The following GSE1 variants were observed in gnomAD, a reference collection of about 807,000 sequenced individuals.
The protein encoded by GSE1 is genetic suppressor element 1.
In GSE1, 32 loss-of-function variants were observed where a neutral mutation model predicts 112.6. The ratio of observed to expected loss-of-function variants is 0.28; its 90% confidence interval spans 0.21 to 0.38. The LOEUF is 0.38. Among genes scored for constraint, GSE1 ranks in the 10% least tolerant of loss-of-function variants. GSE1 has a pLI of 1.00. For missense variants in GSE1, 2,348 were observed against 1,699.2 expected (o/e 1.38, Z -6.71); for synonymous variants, 1,115 against 735.6 (o/e 1.52, Z -8.35).
chr16:85,324,146 C>G (rs1034805792), intron 1 of GSE1, among the ~76,000 whole-genome samples: 7 of 152,224 alleles, frequency 4.6e-5, no homozygotes, highest in African/African-American at 1.2e-4. Flanking sequence ...AACAGCCTGG[C>G]AGCTCCTCAG....
intron 2 of GSE1, among the ~76,000 whole-genome samples, chr16:85,639,349 C>G (rs2050255707): frequency 6.6e-6 from 1 of 152,312 alleles, no homozygotes; most frequent in Admixed American, 6.5e-5. Flanking sequence ...CCTCTCCTAC[C>G]AGGACCTCTT....
At chr16:85,542,549 G>C (rs558921806) in intron 2 of GSE1, among the ~76,000 whole-genome samples, 1 of 152,240 alleles carries the variant, frequency 6.6e-6, no homozygotes, top group African/African-American at 2.4e-5. Flanking sequence ...GAGCTGAAGC[G>C]GAGATGCTTC....
chr16:85,605,644 A>G (rs1471073557), intron 1 of GSE1, among the ~76,000 whole-genome samples: 1 of 151,186 alleles, frequency 6.6e-6, no homozygotes, highest in Non-Finnish European at 1.5e-5. Context: ...TGCCATGTCC[A>G]TCCTCCCCCT....
chr16:85,525,531 T>G (rs1356540128), intron 2 of GSE1, among the ~76,000 whole-genome samples: 1 of 152,142 alleles, frequency 6.6e-6, no homozygotes. Flanking sequence ...GGCTTTCCTG[T>G]GGGGGTGAAT....
At chr16:85,339,309 T>G (rs2046573382) in intron 1 of GSE1, among the ~76,000 whole-genome samples, 2 of 152,166 alleles carry the variant, frequency 1.3e-5, no homozygotes, top group African/African-American at 4.8e-5. Flanking sequence ...CTTTTCCTCC[T>G]GTGGAAGGGG....
At position 85,177,790 on chromosome 16, in the gene GSE1, C is replaced by T. The variant is rs554950014; in HGVS notation, c.2283+5983C>T. Among the ~76,000 whole-genome samples, 87 of 152,124 alleles carry T rather than the reference C, an allele frequency of 5.7e-4. 1 individual carries two copies. The highest frequency in any genetic ancestry group is 3.4e-3 in the Middle Eastern group (1 of 294). ...CCCCAAAACGCCATGGGGTTCTGTCCCTTGGAGGATAACATGTTAGGGTCA... is the reference window on the plus strand; with the variant it reads ...CCCCAAAACGCCATGGGGTTCTGTCTCTTGGAGGATAACATGTTAGGGTCA... On this transcript the variant is annotated intron_variant, in intron 1 of 2. Transcript: ENST00000637419.
intron 1 of GSE1, among the ~76,000 whole-genome samples, chr16:85,209,280 C>T (rs888505396): frequency 3.9e-5 from 6 of 152,208 alleles, no homozygotes; most frequent in East Asian, 3.9e-4. Context: ...ACTGAGGCAC[C>T]GAGGATTAAG....
chr16:85,256,208 G>T (rs919817529), intron 1 of GSE1, among the ~76,000 whole-genome samples: 1 of 152,124 alleles, frequency 6.6e-6, no homozygotes, highest in Non-Finnish European at 1.5e-5. Context: ...GACAGCACCG[G>T]GGGGTGGAGG....
In GSE1 at chr16:85,656,560, G is replaced by A. The variant is rs1160774523; in HGVS notation, c.1207G>A (p.Ala403Thr). The A allele has an allele frequency of 5.2e-6, 8 of 1,547,926 alleles. No individual in the cohort carries two copies. Among genetic ancestry groups the A allele is most frequent in the African/African-American group, 2.7e-5 (2 of 72,972 alleles). ...AREKELLAAK[A>T]LEPSFLPVAE... ...GGAGAAGGAGCTGCTGGCCGCCAAG[G>A]CCCTGGAGCCCAGCTTCCTGCCCGT... Residue 403 changes from alanine (A) to threonine (T), a missense_variant, in exon 7 of 16, where the codon GCC (alanine) becomes ACC (threonine). Transcript: ENST00000253458.
In GSE1 at chr16:85,674,715, G is replaced by C. The variant is rs760451076; in HGVS notation, c.*2176G>C. On this transcript the variant is annotated 3_prime_UTR_variant, in exon 16 of 16. Transcript: ENST00000253458. ...CTTACCATCCAAGGGGCACTCCCTT[G>C]GTTGGATTTTCTATGACAGCACAGG... 2.6e-5 allele frequency: 4 copies of C among 152,280 alleles called. No homozygotes were observed. The highest frequency in any genetic ancestry group is 4.4e-5 in the Non-Finnish European group (3 of 68,060). The allele number at this position is 152,280 out of a possible 1,614,324, so 9.4% of individuals were successfully genotyped here. A position where few individuals can be genotyped will look rare whatever the true frequency, so the allele number is the denominator to read the frequency against.
At chr16:85,463,879 C>G (rs556641692) in intron 2 of GSE1, among the ~76,000 whole-genome samples, 28 of 152,246 alleles carry the variant, frequency 1.8e-4, no homozygotes, top group African/African-American at 6.3e-4. Context: ...GGTCCTCAGG[C>G]TGAGGGGCGG....
chr16:85,329,558 C>A (rs1299311075), intron 1 of GSE1, among the ~76,000 whole-genome samples: 1 of 151,920 alleles, frequency 6.6e-6, no homozygotes, highest in Admixed American at 6.5e-5. Context: ...CTGTGGGAGC[C>A]GCTCAGAGGC....
chr16:85,459,008 C>T (rs950698262), intron 2 of GSE1, among the ~76,000 whole-genome samples: 3 of 152,222 alleles, frequency 2.0e-5, no homozygotes, highest in Admixed American at 6.5e-5. Flanking sequence ...GAGTATTGGC[C>T]GCTTTCGCTC....
chr16:85,361,673 G>C (rs996122365), intron 2 of GSE1, among the ~76,000 whole-genome samples: 3 of 152,230 alleles, frequency 2.0e-5, no homozygotes, highest in Non-Finnish European at 4.4e-5. Context: ...CTCGTACGTG[G>C]GGACAGCAGC....
intron 1 of GSE1, among the ~76,000 whole-genome samples, chr16:85,293,702 T>C (rs1165141005): frequency 6.6e-6 from 1 of 152,202 alleles, no homozygotes; most frequent in Non-Finnish European, 1.5e-5. Flanking sequence ...TCTTCCAGTT[T>C]CTGGCATTGC....
At chr16:85,598,174 T>G (rs1016423723) in intron 1 of GSE1, among the ~76,000 whole-genome samples, 11 of 145,932 alleles carry the variant, frequency 7.5e-5, no homozygotes, top group South Asian at 6.8e-4. Context: ...GTTGTTTTTT[T>G]TTTTTTTTTT....
At chr16:85,470,517 G>C (rs2050259075) in intron 2 of GSE1, among the ~76,000 whole-genome samples, 1 of 152,198 alleles carries the variant, frequency 6.6e-6, no homozygotes, top group Admixed American at 6.5e-5. Context: ...TGGCTTCTTG[G>C]GTGCCCCTTG....
At chr16:85,634,619 G>T (rs886688100) in intron 2 of GSE1, among the ~76,000 whole-genome samples, 1 of 152,116 alleles carries the variant, frequency 6.6e-6, no homozygotes, top group South Asian at 2.1e-4. Context: ...ACCCACCACT[G>T]CTCAACTCCC....
intron 2 of GSE1, among the ~76,000 whole-genome samples, chr16:85,475,070 C>G (rs1171128405): frequency 6.6e-6 from 1 of 152,160 alleles, no homozygotes; most frequent in Non-Finnish European, 1.5e-5. Context: ...TAAATTGTGC[C>G]TTGTAATAAC....
Sources: gnomAD v4.1 joint callset for allele counts (sites outside exome capture counted in the v4.1 genomes callset) on GRCh38, gnomAD v4.1.1 for gene constraint, MANE v1.5 for transcripts, NCBI Gene and HGNC (gene_info 2026-07-23, HGNC 2026-07-21) for gene names.